The following TRAK1 variants were observed in gnomAD, a reference collection of about 807,000 sequenced individuals.
The protein encoded by TRAK1 is trafficking kinesin protein 1, also known as trafficking kinesin-binding protein 1.
Under a neutral mutation model 92.1 loss-of-function variants are expected in TRAK1, and 33 were observed. The ratio of observed to expected loss-of-function variants is 0.36; its 90% CI spans 0.27 to 0.48. The LOEUF (loss-of-function observed/expected upper bound fraction) is 0.48. Among genes scored for constraint, TRAK1 ranks in the 20% least tolerant of loss-of-function variants. The pLI is 0.99. For synonymous variants in TRAK1, 521 were observed against 517.3 expected, an observed-to-expected ratio of 1.01 and a Z score of -0.10; for missense variants, 1,123 against 1,257.9, an observed-to-expected ratio of 0.89 and a Z score of 1.62.
chr3:42,223,134 G>A lies in TRAK1; in HGVS notation c.2259G>A (p.Val753=), dbSNP rs1316144994. 9 of 1,614,044 alleles carry A rather than the reference G, an allele frequency of 5.6e-6. No individual in the cohort carries two copies. The South Asian group carries it at 9.9e-5, about 18-fold the overall frequency. Residue 753 remains valine (V), a synonymous_variant, in exon 16 of 16, where the codon GTG becomes GTA. Transcript: ENST00000327628. The surrounding 1 kb of genome is among the most constrained non-coding windows in gnomAD (Gnocchi z 6.1). ...LLKERGISAA[V]YDPQSWDRAG... Reference sequence around the variant, plus strand: ...AGGAGCGGGGCATTTCTGCTGCCGTGTACGACCCCCAGAGCTGGGACAGGG... The same window carrying A: ...AGGAGCGGGGCATTTCTGCTGCCGTATACGACCCCCAGAGCTGGGACAGGG...
chr3:42,202,381 C>A lies in TRAK1; in HGVS notation c.1428-55C>A, dbSNP rs965765407. 2 of 1,444,482 alleles carry A rather than the reference C, an allele frequency of 1.4e-6. No homozygotes were observed. The highest frequency in any genetic ancestry group is 1.7e-5 in the South Asian group (1 of 58,290). 89.5% of individuals were successfully genotyped at this position (1,444,482 alleles called of 1,614,324 possible). A position where few individuals can be genotyped will look rare whatever the true frequency, so the allele number is the denominator to read the frequency against. ...CGCTGTGCATTGAGCAGTCGGGCCT[C>A]TGTGGCCTTGGAGCCCTGCTGGCAT... On this transcript the variant is annotated intron_variant, in intron 12 of 15. Transcript: ENST00000327628. This position sits in a 1 kb window ranked among gnomAD's most constrained non-coding sequence, Gnocchi z 6.1.
In TRAK1 at chr3:42,027,442, T is replaced by G. The variant is rs192410893; in HGVS notation, c.-519+13325T>G. ...GGAGGCTGAGGCAGGAGAATGGCGTTAACCCGGGAGGTGGAGCTTGCAGTG... is the reference window on the plus strand; with the variant it reads ...GGAGGCTGAGGCAGGAGAATGGCGTGAACCCGGGAGGTGGAGCTTGCAGTG... On this transcript the variant is annotated intron_variant, in intron 1 of 16. Transcript: ENST00000487159. Among the ~76,000 whole-genome samples, 755 of 151,774 alleles carry G rather than the reference T, an allele frequency of 5.0e-3. 7 individuals carry two copies. Among genetic ancestry groups the G allele is most frequent in the African/African-American group, 0.017 (722 of 41,368 alleles).
chr3:42,187,102 G>GA (rs1704996154), intron 4 of TRAK1, among the ~76,000 whole-genome samples: 2 of 152,170 alleles, frequency 1.3e-5, no homozygotes. Context: ...CATCTCAGCA[G>GA]AAGTCAATGT....
intron 2 of TRAK1, among the ~76,000 whole-genome samples, chr3:42,163,561 C>G (rs554645875): frequency 2.3e-4 from 34 of 149,778 alleles, no homozygotes; most frequent in Non-Finnish European, 3.4e-4. Flanking sequence ...GAGCGAGACT[C>G]CATCTCAAAG....
At chr3:42,097,566 CTT>C (rs1293863334) in intron 1 of TRAK1, among the ~76,000 whole-genome samples, 2 of 152,154 alleles carry the variant, frequency 1.3e-5, no homozygotes, top group East Asian at 3.8e-4. Flanking sequence ...TTTTTATTGT[CTT>C]TTCTGTGATC....
intron 1 of TRAK1, among the ~76,000 whole-genome samples, chr3:42,024,955 CT>C (rs1214313527): frequency 3.3e-5 from 5 of 152,178 alleles, no homozygotes; most frequent in Non-Finnish European, 7.4e-5. Flanking sequence ...TGAGTCTCCT[CT>C]TGTCACTTTC....
At chr3:42,147,522 A>C (rs1027596049) in intron 2 of TRAK1, among the ~76,000 whole-genome samples, 1 of 152,192 alleles carries the variant, frequency 6.6e-6, no homozygotes, top group Non-Finnish European at 1.5e-5. Context: ...CATCATCAGC[A>C]TCAGTGGTTC....
intron 14 of TRAK1, among the ~76,000 whole-genome samples, chr3:42,213,137 C>A (rs1194702235): frequency 1.4e-5 from 2 of 146,694 alleles, no homozygotes; most frequent in East Asian, 4.1e-4. Context: ...CGGCTCACTG[C>A]AACTTCCACC....
At chr3:42,201,990 A>G (rs146651373) in intron 12 of TRAK1, among the ~76,000 whole-genome samples, 1 of 151,774 alleles carries the variant, frequency 6.6e-6, no homozygotes, top group South Asian at 2.1e-4. Context: ...CTTCCGGACC[A>G]GTTGGAACAG....
At chr3:42,055,749 C>T (rs1420930319) in intron 1 of TRAK1, among the ~76,000 whole-genome samples, 2 of 152,198 alleles carry the variant, frequency 1.3e-5, no homozygotes, top group Non-Finnish European at 2.9e-5. Flanking sequence ...AGATGTGAGC[C>T]ACTGTGCCCG....
chr3:42,142,732 A>G (rs569183734), intron 2 of TRAK1, among the ~76,000 whole-genome samples: 24 of 152,342 alleles, frequency 1.6e-4, no homozygotes, highest in Admixed American at 1.6e-3. Flanking sequence ...CTTCCTTTAT[A>G]TATCAGTTGC....
At chr3:42,179,430 G>A (rs906490860) in intron 3 of TRAK1, among the ~76,000 whole-genome samples, 2 of 152,210 alleles carry the variant, frequency 1.3e-5, no homozygotes, top group Non-Finnish European at 2.9e-5. Flanking sequence ...TGGAGAGTTC[G>A]CTTCTGGTTT....
chr3:42,148,645 G>A (rs1174215416), intron 2 of TRAK1, among the ~76,000 whole-genome samples: 1 of 152,154 alleles, frequency 6.6e-6, no homozygotes, highest in African/African-American at 2.4e-5. Flanking sequence ...ACAGCATATT[G>A]TACTGCACAA....
intron 1 of TRAK1, among the ~76,000 whole-genome samples, chr3:42,115,127 T>C (rs1709007707): frequency 6.6e-6 from 1 of 152,242 alleles, no homozygotes; most frequent in African/African-American, 2.4e-5. Context: ...TTTTGAGTAT[T>C]CTCCTGGAGA....
intron 1 of TRAK1, among the ~76,000 whole-genome samples, chr3:42,102,050 A>C (rs1706840374): frequency 6.6e-6 from 1 of 152,216 alleles, no homozygotes; most frequent in Non-Finnish European, 1.5e-5. Context: ...TAGTGATGCC[A>C]TCTCAGCTCA....
chr3:42,216,129 G>T (rs1709655647), intron 14 of TRAK1, among the ~76,000 whole-genome samples: 1 of 152,124 alleles, frequency 6.6e-6, no homozygotes, highest in Non-Finnish European at 1.5e-5. Flanking sequence ...GGAACCTCTG[G>T]GCCCCACCGG....
intron 2 of TRAK1, among the ~76,000 whole-genome samples, chr3:42,149,816 T>A (rs570564964): frequency 6.5e-4 from 99 of 152,216 alleles, no homozygotes; most frequent in African/African-American, 2.2e-3. Flanking sequence ...TATGTATGAT[T>A]GTTTGCTTAG....
At chr3:42,103,202 C>G (rs148675767) in intron 1 of TRAK1, among the ~76,000 whole-genome samples, 102 of 152,308 alleles carry the variant, frequency 6.7e-4, no homozygotes, top group African/African-American at 2.3e-3. Context: ...AAGTCTCCCT[C>G]TGTCCCCCAG....
chr3:42,159,028 T>A (rs1217585481), intron 2 of TRAK1, among the ~76,000 whole-genome samples: 1 of 151,118 alleles, frequency 6.6e-6, no homozygotes, highest in Non-Finnish European at 1.5e-5. Context: ...GTCCTTAGAC[T>A]TTTAAATAAA....
Sources: allele counts gnomAD v4.1 joint callset (sites outside exome capture counted in the v4.1 genomes callset), GRCh38; gene constraint gnomAD v4.1.1; non-coding constraint Gnocchi (gnomAD v3.1); transcripts MANE v1.5; gene names NCBI Gene and HGNC (gene_info 2026-07-23, HGNC 2026-07-21).